EXT1: variants seen among roughly 807,000 people sequenced by gnomAD.
EXT1 encodes the protein exostosin glycosyltransferase 1, also known as exostosin-1.
A neutral mutation model predicts 82.5 loss-of-function variants in EXT1; 20 were observed. The observed-to-expected ratio is 0.24, with a 90% CI of 0.17 to 0.35. The LOEUF is 0.35. EXT1 is among the 10% of genes least tolerant of loss of function. The pLI is 1.00. For synonymous variants in EXT1, 348 were observed against 350.8 expected (o/e 0.99, Z 0.09); for missense variants, 757 against 936.5 (o/e 0.81, Z 2.50).
intron 1 of EXT1, among the ~76,000 whole-genome samples, chr8:117,927,214 G>A (rs928971201): frequency 6.6e-6 from 1 of 152,006 alleles, no homozygotes; most frequent in Non-Finnish European, 1.5e-5. Context: ...GTGCCAACTA[G>A]CAACAAAAAT....
chr8:118,076,644 C>T (rs897433326), intron 1 of EXT1, among the ~76,000 whole-genome samples: 3 of 151,958 alleles, frequency 2.0e-5, no homozygotes, highest in Admixed American at 6.6e-5. Flanking sequence ...AGTGCTCACA[C>T]TGTCAGTGCT....
At chr8:118,085,586 G>A (rs1408861121) in intron 1 of EXT1, among the ~76,000 whole-genome samples, 1 of 150,924 alleles carries the variant, frequency 6.6e-6, no homozygotes, top group Non-Finnish European at 1.5e-5. Flanking sequence ...AGAAGTCACT[G>A]GGGAAAAACA....
intron 1 of EXT1, among the ~76,000 whole-genome samples, chr8:118,015,533 C>CA (rs1426519091): frequency 2.6e-5 from 4 of 151,878 alleles, no homozygotes; most frequent in East Asian, 3.9e-4. Context: ...AGAAGAAAAA[C>CA]AAAAAAACAA....
chr8:118,042,088 G>C (rs1816542842), intron 1 of EXT1, among the ~76,000 whole-genome samples: 1 of 152,144 alleles, frequency 6.6e-6, no homozygotes, highest in Non-Finnish European at 1.5e-5. Flanking sequence ...CTCCGCTCTT[G>C]CTCTGGTGTC....
Position 117,923,705 on chromosome 8 carries a change from G to C in EXT1, c.963-86504C>G, listed in dbSNP as rs531776997. ...CGTGCCACTGCACTCCAGCTGGGGT[G>C]ACAGGGCGAGACTCTGTCTCAAAAA... is the stretch of plus-strand genomic sequence containing the variant. On this transcript the variant is annotated intron_variant, in intron 1 of 10. Transcript: ENST00000378204. 1.3e-3 allele frequency among the ~76,000 whole-genome samples: 197 copies of C among 150,858 alleles called. 1 individual carries two copies. The highest frequency in any genetic ancestry group is 4.6e-3 in the African/African-American group (189 of 40,940).
chr8:117,810,433 C>T (rs985564392), intron 8 of EXT1, among the ~76,000 whole-genome samples: 5 of 152,212 alleles, frequency 3.3e-5, no homozygotes, highest in Non-Finnish European at 7.3e-5. Flanking sequence ...TTTCAACCCA[C>T]GTTGACTTCT....
At chr8:117,857,255 G>T (rs1812581570) in intron 1 of EXT1, among the ~76,000 whole-genome samples, 1 of 152,164 alleles carries the variant, frequency 6.6e-6, no homozygotes, top group Admixed American at 6.5e-5. Context: ...GCAGCCCATA[G>T]ATCAAGAAGT....
In EXT1 at chr8:117,959,393, T is replaced by A. The variant is rs1213583470; in HGVS notation, c.963-122192A>T. On this transcript the variant is annotated intron_variant, in intron 1 of 10. Transcript: ENST00000378204. ...TTTCCCACAAACAACTCTGTTTCAT[T>A]CTTCTGTGCCCTTGCTAGCTAGCAC... Among the ~76,000 whole-genome samples, 8 of 152,236 alleles carry A rather than the reference T, an allele frequency of 5.3e-5. No individual in the cohort carries two copies. In the East Asian group the frequency reaches 1.3e-3, roughly 26 times the overall value.
intron 1 of EXT1, among the ~76,000 whole-genome samples, chr8:117,959,884 G>C (rs1382694692): frequency 6.6e-6 from 1 of 152,178 alleles, no homozygotes; most frequent in Non-Finnish European, 1.5e-5. Flanking sequence ...TCACAGAGTT[G>C]TCATGAACGT....
intron 1 of EXT1, among the ~76,000 whole-genome samples, chr8:117,981,161 A>T (rs1004640824): frequency 1.3e-5 from 2 of 152,296 alleles, no homozygotes; most frequent in Non-Finnish European, 2.9e-5. Context: ...CAAAATATTC[A>T]AAAACAACTA....
chr8:117,818,521 G>C lies in EXT1; in HGVS notation c.1546C>G (p.Leu516Val). The change falls in exon 7 of 11, where the codon CTA becomes GTA. Residue 516 changes from leucine (L) to valine (V), a missense_variant. Physicochemically the swap from Leu to Val is conservative, Grantham distance 32. Transcript: ENST00000378204. ...GGTAGGGGCTTGTCACAATTCCATA[G>C]AACTATGATCTGAAAGGGATGGGGC... is the stretch of plus-strand genomic sequence containing the variant. ...KSQYCAQIIV[L>V]WNCDKPLPAK... 6.2e-7 allele frequency: 1 copy of C among 1,613,930 alleles called. No homozygotes were observed.
chr8:118,028,204 C>T (rs1192699757), intron 1 of EXT1, among the ~76,000 whole-genome samples: 1 of 152,256 alleles, frequency 6.6e-6, no homozygotes, highest in Non-Finnish European at 1.5e-5. Flanking sequence ...ACGTCTGCGG[C>T]AGCCGCTCTC....
At chr8:117,873,316 T>C (rs1017689445) in intron 1 of EXT1, among the ~76,000 whole-genome samples, 1 of 152,126 alleles carries the variant, frequency 6.6e-6, no homozygotes, top group Non-Finnish European at 1.5e-5. Flanking sequence ...TTCATAATAG[T>C]TGCCTAAAAG....
intron 1 of EXT1, among the ~76,000 whole-genome samples, chr8:117,963,323 A>C (rs1814740035): frequency 6.6e-6 from 1 of 152,144 alleles, no homozygotes; most frequent in African/African-American, 2.4e-5. Context: ...ATTTCTGTAC[A>C]TAAGGTGGTT....
At chr8:117,869,856 T>C (rs1489031233) in intron 1 of EXT1, among the ~76,000 whole-genome samples, 2 of 152,042 alleles carry the variant, frequency 1.3e-5, no homozygotes, top group South Asian at 2.1e-4. Flanking sequence ...AATAAGGTAA[T>C]GTTAGGTGAG....
chr8:117,915,855 CAAACAAAACAAAACAAAACA>C (rs60869745), intron 1 of EXT1, among the ~76,000 whole-genome samples: 2 of 148,722 alleles, frequency 1.3e-5, no homozygotes, highest in African/African-American at 5.0e-5. Context: ...GACTCTGTCT[CAAACAAAACAAAACAAAACA>C]AAACAAAACA....
At chr8:117,801,252 T>G (rs1260250840) in intron 10 of EXT1, among the ~76,000 whole-genome samples, 2 of 152,198 alleles carry the variant, frequency 1.3e-5, no homozygotes, top group Non-Finnish European at 1.5e-5. Context: ...CACAATCTGG[T>G]GAAGTATCTA....
intron 1 of EXT1, among the ~76,000 whole-genome samples, chr8:118,036,745 C>T (rs1167021941): frequency 1.3e-5 from 2 of 152,164 alleles, no homozygotes; most frequent in Non-Finnish European, 2.9e-5. Flanking sequence ...GGAGGCCCTT[C>T]ATTGTGTGTC....
rs149617347 is a variant in EXT1, at chr8:118,019,119, C to T, written c.962+90966G>A. On this transcript the variant is annotated intron_variant, in intron 1 of 10. Coordinates refer to ENST00000378204, the MANE Select transcript of EXT1 (RefSeq NM_000127.3). ...AAAAAAAAAAACTTAAAGGAACAGGCACAAAATAAGTTGGTACAATGTGAG... is the reference window on the plus strand; with the variant it reads ...AAAAAAAAAAACTTAAAGGAACAGGTACAAAATAAGTTGGTACAATGTGAG... Among the ~76,000 whole-genome samples, 42 of 151,942 alleles carry T rather than the reference C, an allele frequency of 2.8e-4. 1 individual carries two copies. The highest frequency in any genetic ancestry group is 3.4e-3 in the Middle Eastern group (1 of 292).
Sources: gnomAD v4.1 joint callset for allele counts (sites outside exome capture counted in the v4.1 genomes callset) on GRCh38, gnomAD v4.1.1 for gene constraint, MANE v1.5 for transcripts, NCBI Gene and HGNC (gene_info 2026-07-23, HGNC 2026-07-21) for gene names.